Variants in CIT observed in about 807,000 individuals in gnomAD.
CIT encodes citron rho-interacting serine/threonine kinase, also known as citron Rho-interacting kinase.
In CIT, 79 loss-of-function variants were observed where a neutral mutation model predicts 272.7. The observed-to-expected ratio is 0.29, with a 90% confidence interval of 0.24 to 0.35. The LOEUF is 0.35. Among genes scored for constraint, CIT ranks in the 10% least tolerant of loss-of-function variants. The pLI is 1.00. For synonymous variants in CIT, 948 were observed against 995.6 expected (o/e 0.95, Z 0.90); for missense variants, 1,909 against 2,618.3 (o/e 0.73, Z 5.91).
intron 19 of CIT, among the ~76,000 whole-genome samples, chr12:119,762,751 A>G (rs2137515422): frequency 6.6e-6 from 1 of 152,262 alleles, no homozygotes; most frequent in South Asian, 2.1e-4. Context: ...GAACGTATGC[A>G]CTAGGCCAGG....
At chr12:119,698,835 T>A (rs1956384265) in intron 44 of CIT, among the ~76,000 whole-genome samples, 1 of 152,236 alleles carries the variant, frequency 6.6e-6, no homozygotes, top group Non-Finnish European at 1.5e-5. Flanking sequence ...GAAACTCATA[T>A]GAGCTTTTTT....
intron 10 of CIT, among the ~76,000 whole-genome samples, chr12:119,801,779 G>C (rs1204056040): frequency 6.6e-6 from 1 of 152,198 alleles, no homozygotes; most frequent in African/African-American, 2.4e-5. Context: ...TCAACAGCTA[G>C]TTAGCACTCT....
At chr12:119,857,772 AAAAAG>A in intron 3 of CIT, 74 bp from the exon 4 acceptor site, 1 of 1,403,826 alleles carries the variant, frequency 7.1e-7, no homozygotes, top group African/African-American at 1.4e-5. Context: ...AAGAAAAAAA[AAAAAG>A]AAAATAGCAT....
chr12:119,872,709 T>C (rs1186312227), intron 2 of CIT, among the ~76,000 whole-genome samples: 1 of 152,218 alleles, frequency 6.6e-6, no homozygotes, highest in Non-Finnish European at 1.5e-5. Flanking sequence ...AGATGGAGTC[T>C]GATCTTGGCC....
chr12:119,704,590 G>A, intron 40 of CIT, 135 bp from the exon 41 acceptor site: 1 of 737,058 alleles, frequency 1.4e-6, no homozygotes. Context: ...GGGGAGGGCT[G>A]TCCTGGGCAT....
chr12:119,860,652 C>T (rs1283944604), intron 3 of CIT, among the ~76,000 whole-genome samples: 1 of 152,106 alleles, frequency 6.6e-6, no homozygotes, highest in East Asian at 1.9e-4. Flanking sequence ...TGGCGACCAC[C>T]AGCTTTCTCA....
intron 44 of CIT, 196 bp downstream of exon 44, chr12:119,700,549 A>G (rs966509424): frequency 3.9e-6 from 2 of 513,640 alleles, no homozygotes; most frequent in Non-Finnish European, 3.6e-6. Flanking sequence ...TGCCTGGCTA[A>G]TTTTTGTATT....
At chr12:119,699,803 A>G (rs1004725573) in intron 44 of CIT, 4 of 456,014 alleles carry the variant, frequency 8.8e-6, no homozygotes, top group African/African-American at 8.0e-5. Context: ...GTTTGAAGTC[A>G]CTAAGCTTTC....
intron 10 of CIT, among the ~76,000 whole-genome samples, chr12:119,795,376 G>C (rs922714015): frequency 2.0e-5 from 3 of 152,154 alleles, no homozygotes; most frequent in African/African-American, 4.8e-5. Context: ...AACAGAATGA[G>C]ACTCTGTCTC....
chr12:119,749,788 T>G (rs1959961950), intron 23 of CIT, among the ~76,000 whole-genome samples: 1 of 152,192 alleles, frequency 6.6e-6, no homozygotes, highest in African/African-American at 2.4e-5. Flanking sequence ...AGTCGTGACT[T>G]GCTGCTGTGC....
At chr12:119,724,930 CAAAAAAAAAAAA>C (rs35757526) in intron 28 of CIT, among the ~76,000 whole-genome samples, 24 of 44,526 alleles carry the variant, frequency 5.4e-4, no homozygotes, top group Non-Finnish European at 8.2e-4. Flanking sequence ...GACTCCATCT[CAAAAAAAAAAAA>C]AAAAAAAAAA....
At chr12:119,754,651 G>C (rs921727703) in intron 22 of CIT, among the ~76,000 whole-genome samples, 4 of 152,232 alleles carry the variant, frequency 2.6e-5, no homozygotes, top group African/African-American at 9.6e-5. Context: ...AACTCCAGGT[G>C]GAGGCCTCTG....
At chr12:119,831,817 C>A (rs1433930743) in intron 7 of CIT, among the ~76,000 whole-genome samples, 1 of 152,078 alleles carries the variant, frequency 6.6e-6, no homozygotes, top group Non-Finnish European at 1.5e-5. Flanking sequence ...TTGCAGTGAG[C>A]CGAGATCGCG....
chr12:119,788,763 C>T (rs1022715001), intron 10 of CIT, among the ~76,000 whole-genome samples: 2 of 152,152 alleles, frequency 1.3e-5, no homozygotes, highest in Non-Finnish European at 2.9e-5. Context: ...AGAGACCATG[C>T]GACAGCCCTC....
chr12:119,700,890 T>G (rs1593390470), intron 43 of CIT, 65 bp from the exon 44 acceptor site: 1 of 1,305,178 alleles, frequency 7.7e-7, no homozygotes, highest in African/African-American at 1.5e-5. Flanking sequence ...GCGACACACA[T>G]GGTGATGGAA....
chr12:119,801,299 A>G (rs938746661), intron 10 of CIT, among the ~76,000 whole-genome samples: 1 of 152,156 alleles, frequency 6.6e-6, no homozygotes, highest in Non-Finnish European at 1.5e-5. Context: ...AAATCAACAA[A>G]TATTTATCGA....
intron 10 of CIT, among the ~76,000 whole-genome samples, chr12:119,792,023 A>T (rs1209643229): frequency 6.6e-6 from 1 of 151,790 alleles, no homozygotes; most frequent in Non-Finnish European, 1.5e-5. Flanking sequence ...TAACTTTGTT[A>T]AAAAAAATTA....
chr12:119,739,936 T>C (rs1269063043), intron 24 of CIT, among the ~76,000 whole-genome samples: 1 of 152,210 alleles, frequency 6.6e-6, no homozygotes, highest in Non-Finnish European at 1.5e-5. Context: ...AGCGTACTGA[T>C]TGGAACTGAG....
chr12:119,801,744 G>A (rs150236955), intron 10 of CIT, among the ~76,000 whole-genome samples: 3 of 152,240 alleles, frequency 2.0e-5, no homozygotes, highest in African/African-American at 7.2e-5. Context: ...CTGCTGAGCC[G>A]TTTCAAACCC....
Sources: allele counts gnomAD v4.1 joint callset (sites outside exome capture counted in the v4.1 genomes callset), GRCh38; gene constraint gnomAD v4.1.1; transcripts MANE v1.5; gene names NCBI Gene and HGNC (gene_info 2026-07-23, HGNC 2026-07-21).